Variants in CREM observed in about 807,000 individuals in gnomAD.
CREM encodes cAMP responsive element modulator, also known as cAMP-responsive element modulator.
Under a neutral mutation model 37.3 loss-of-function variants are expected in CREM, and 13 were observed. That is an observed-to-expected ratio of 0.35 (90% confidence interval 0.23 to 0.55). The LOEUF is 0.55. Among genes scored for constraint, CREM ranks in the 20% least tolerant of loss-of-function variants. The pLI, the probability that CREM is intolerant of heterozygous loss-of-function variation, is 0.88. For missense variants in CREM, 296 were observed against 362.3 expected (o/e 0.82, Z 1.49); for synonymous variants, 124 against 120.2 (o/e 1.03, Z -0.21).
At chr10:35,203,177 C>T (rs968601551) in intron 6 of CREM, among the ~76,000 whole-genome samples, 1 of 151,976 alleles carries the variant, frequency 6.6e-6, no homozygotes, top group South Asian at 2.1e-4. Flanking sequence ...ACCTAAGGCT[C>T]TGGAACCACA....
intron 6 of CREM, chr10:35,196,189 T>C: frequency 2.2e-6 from 3 of 1,335,846 alleles, no homozygotes; most frequent in Non-Finnish European, 2.1e-6. Flanking sequence ...TTCTTTACTC[T>C]TACTCCATCC....
chr10:35,186,764 ATAAT>A (rs2094572658), intron 5 of CREM, among the ~76,000 whole-genome samples: 2 of 132,210 alleles, frequency 1.5e-5, no homozygotes, highest in African/African-American at 5.7e-5. Context: ...ATAGTTATAT[ATAAT>A]ATATAACAAA....
intron 5 of CREM, among the ~76,000 whole-genome samples, chr10:35,185,776 T>C (rs2094532110): frequency 6.6e-6 from 1 of 152,338 alleles, no homozygotes; most frequent in East Asian, 1.9e-4. Flanking sequence ...CTCAGTTCTA[T>C]TGACATTCTG....
chr10:35,162,264 G>T (rs184373757), intron 3 of CREM, among the ~76,000 whole-genome samples: 30 of 152,276 alleles, frequency 2.0e-4, no homozygotes, highest in Admixed American at 6.5e-4. Flanking sequence ...AGAGGTGGGG[G>T]TGCTTAGGCA....
At chr10:35,173,848 T>C (rs1258291796) in intron 3 of CREM, among the ~76,000 whole-genome samples, 3 of 152,186 alleles carry the variant, frequency 2.0e-5, no homozygotes, top group African/African-American at 4.8e-5. Flanking sequence ...CTCTTTGAGG[T>C]CATCAGTAAT....
At chr10:35,177,189 T>A (rs1464749916) in intron 3 of CREM, among the ~76,000 whole-genome samples, 1 of 152,002 alleles carries the variant, frequency 6.6e-6, no homozygotes, top group African/African-American at 2.4e-5. Flanking sequence ...ACAAGATACC[T>A]GATGTGACAA....
chr10:35,192,789 C>T (rs975775677), intron 6 of CREM, among the ~76,000 whole-genome samples: 1 of 152,172 alleles, frequency 6.6e-6, no homozygotes, highest in Non-Finnish European at 1.5e-5. Context: ...GGTGGGGATA[C>T]AAACATTCAG....
At chr10:35,175,106 C>G (rs1357924988) in intron 3 of CREM, among the ~76,000 whole-genome samples, 1 of 152,192 alleles carries the variant, frequency 6.6e-6, no homozygotes, top group Non-Finnish European at 1.5e-5. Context: ...AAAGCATCAG[C>G]TCACATCCAG....
At chr10:35,134,679 A>G (rs1186529671) in intron 1 of CREM, among the ~76,000 whole-genome samples, 1 of 152,196 alleles carries the variant, frequency 6.6e-6, no homozygotes, top group African/African-American at 2.4e-5. Context: ...AATGTCCTTT[A>G]TAGCATAATC....
At chr10:35,136,571 C>T (rs1187862226) in intron 1 of CREM, among the ~76,000 whole-genome samples, 2 of 152,178 alleles carry the variant, frequency 1.3e-5, no homozygotes, top group East Asian at 3.8e-4. Context: ...TAGTAACCAT[C>T]GCCTTAGTGC....
intron 2 of CREM, among the ~76,000 whole-genome samples, chr10:35,145,042 TC>T (rs2091904390): frequency 1.3e-5 from 2 of 150,654 alleles, no homozygotes. Flanking sequence ...GTGCCTGTAA[TC>T]CCAGATACTT....
At chr10:35,201,478 A>T (rs776010868) in intron 6 of CREM, 50 of 1,551,580 alleles carry the variant, frequency 3.2e-5, no homozygotes, top group Admixed American at 3.9e-5. Context: ...GCCCCAAGTC[A>T]CATGGCTGGT....
chr10:35,164,852 C>T (rs779643857), intron 3 of CREM, among the ~76,000 whole-genome samples: 1 of 152,004 alleles, frequency 6.6e-6, no homozygotes, highest in Non-Finnish European at 1.5e-5. Context: ...GAGTTCGAGA[C>T]GAGCCTGGCC....
intron 3 of CREM, among the ~76,000 whole-genome samples, chr10:35,151,433 C>A (rs896363509): frequency 6.6e-6 from 1 of 152,180 alleles, no homozygotes; most frequent in African/African-American, 2.4e-5. Context: ...AATCTCGGCT[C>A]ACTGCAACCT....
At chr10:35,205,433 G>GT (rs2095497037) in intron 6 of CREM, among the ~76,000 whole-genome samples, 1 of 152,032 alleles carries the variant, frequency 6.6e-6, no homozygotes, top group Non-Finnish European at 1.5e-5. Context: ...TTTTATTGTT[G>GT]TTTTTTGTTT....
At chr10:35,211,173 C>A (rs1001470176) in intron 7 of CREM, 81 bp from the exon 8 acceptor site, 1 of 1,485,970 alleles carries the variant, frequency 6.7e-7, no homozygotes, top group Non-Finnish European at 9.1e-7. Flanking sequence ...CTGTTGAGTT[C>A]GGGGGGCAGA....
At chr10:35,151,328 TAGA>T (rs956637481) in intron 3 of CREM, among the ~76,000 whole-genome samples, 1 of 152,170 alleles carries the variant, frequency 6.6e-6, no homozygotes, top group Non-Finnish European at 1.5e-5. Context: ...TTTATATTGT[TAGA>T]AGTATTTTTT....
At chr10:35,185,058 C>CATTT (rs763887721) in intron 5 of CREM, among the ~76,000 whole-genome samples, 4 of 149,514 alleles carry the variant, frequency 2.7e-5, no homozygotes, top group Non-Finnish European at 4.5e-5. Context: ...TTCATTCATT[C>CATTT]ATTCATTCTA....
At chr10:35,143,535 T>C (rs535073999) in intron 2 of CREM, among the ~76,000 whole-genome samples, 1 of 152,318 alleles carries the variant, frequency 6.6e-6, no homozygotes, top group South Asian at 2.1e-4. Flanking sequence ...AGTAGATAGC[T>C]GAAGTGGCAT....
Sources: allele counts gnomAD v4.1 joint callset (sites outside exome capture counted in the v4.1 genomes callset), GRCh38; gene constraint gnomAD v4.1.1; transcripts MANE v1.5; gene names NCBI Gene and HGNC (gene_info 2026-07-23, HGNC 2026-07-21).